MRPS18A: variants seen among roughly 807,000 people sequenced by gnomAD.
The protein encoded by MRPS18A is mitochondrial ribosomal protein S18A.
In MRPS18A, 20 loss-of-function variants were observed where a neutral mutation model predicts 22.7. The ratio of observed to expected loss-of-function variants is 0.88; its 90% CI spans 0.62 to 1.28. The LOEUF is 1.28. MRPS18A is among the 50% of genes most tolerant of loss of function. The probability of loss-of-function intolerance (pLI) is 0.00; values close to 1 mark genes in which losing one functional copy is unlikely to be tolerated. For synonymous variants in MRPS18A, 106 were observed against 99.1 expected (o/e 1.07, Z -0.41); for missense variants, 294 against 262.6 (o/e 1.12, Z -0.83).
In MRPS18A at chr6:43,671,781, G is replaced by C. The variant is rs145782628; in HGVS notation, c.572C>G (p.Pro191Arg). The C allele has an allele frequency of 6.3e-5, 102 of 1,614,240 alleles. No homozygotes were observed. In the East Asian group the frequency reaches 2.0e-3, roughly 32 times the overall value. ...LRDNVCYSRT[P>R]WKLYH Reference sequence around the variant, plus strand: ...TCTCTGTCAGTGATACAGCTTCCAAGGTGTTCTTGAGTAGCAGACATTGTC... The same window carrying C: ...TCTCTGTCAGTGATACAGCTTCCAACGTGTTCTTGAGTAGCAGACATTGTC... The change falls in exon 6 of 6, where the codon CCT (proline) becomes CGT (arginine). Residue 191 changes from proline (P) to arginine (R), a missense_variant. Pro to Arg is a moderately radical substitution (Grantham distance 103). Transcript: ENST00000372133.
intron 1 of MRPS18A, among the ~76,000 whole-genome samples, chr6:43,683,810 A>G (rs963177342): frequency 5.9e-5 from 9 of 152,244 alleles, no homozygotes; most frequent in Non-Finnish European, 1.0e-4. Context: ...TTACAGTAGA[A>G]TAGGAGCCAC....
chr6:43,677,328 G>A (rs1306945833), intron 3 of MRPS18A, among the ~76,000 whole-genome samples: 1 of 152,166 alleles, frequency 6.6e-6, no homozygotes, highest in Non-Finnish European at 1.5e-5. Context: ...CTCAAGCCAA[G>A]GCTTCCAGCC....
chr6:43,687,308 T>C (rs1203327206), intron 1 of MRPS18A, among the ~76,000 whole-genome samples: 1 of 152,196 alleles, frequency 6.6e-6, no homozygotes. Flanking sequence ...CCTTCCTTCG[T>C]GATCCAGAGA....
intron 5 of MRPS18A, among the ~76,000 whole-genome samples, chr6:43,672,967 A>C (rs1773825391): frequency 7.2e-6 from 1 of 139,626 alleles, no homozygotes; most frequent in Admixed American, 7.2e-5. Flanking sequence ...ACTGTGAAGG[A>C]GGCTAGTTAT....
intron 5 of MRPS18A, among the ~76,000 whole-genome samples, chr6:43,674,229 C>G (rs899778226): frequency 6.6e-6 from 1 of 152,118 alleles, no homozygotes; most frequent in African/African-American, 2.4e-5. Flanking sequence ...TCCCACACCC[C>G]CTACCCTCCA....
In MRPS18A at chr6:43,673,791, C is replaced by T. The variant is rs2127941637; in HGVS notation, c.446+1411G>A. Among the ~76,000 whole-genome samples, 1 of 152,350 alleles carries T rather than the reference C, an allele frequency of 6.6e-6. No individual in the cohort carries two copies. The highest frequency in any genetic ancestry group is 2.4e-5 in the African/African-American group (1 of 41,588). On this transcript the variant is annotated intron_variant, in intron 5 of 5. Coordinates refer to ENST00000372133, the MANE Select transcript of MRPS18A (RefSeq NM_018135.4). The surrounding 1 kb of genome is among the most constrained non-coding windows in gnomAD (Gnocchi z 4.2). ...AACGAGACTCCCCTGCAAGGGAATC[C>T]ATTTCCTTCGTAGCCTGAACTCCCC...
intron 2 of MRPS18A, 107 bp from the exon 3 acceptor site, chr6:43,678,732 T>C: frequency 1.3e-6 from 1 of 783,220 alleles, no homozygotes; most frequent in Non-Finnish European, 2.1e-6. Flanking sequence ...AAGTTTACCT[T>C]GGGGGTTCTT....
intron 5 of MRPS18A, chr6:43,672,114 T>A: frequency 1.6e-6 from 1 of 632,776 alleles, no homozygotes; most frequent in South Asian, 2.0e-5. Context: ...GCCGCAAGCC[T>A]GTGTGGCCAG....
At chr6:43,684,110 AAACAAC>A (rs556245420) in intron 1 of MRPS18A, among the ~76,000 whole-genome samples, 1 of 152,058 alleles carries the variant, frequency 6.6e-6, no homozygotes, top group African/African-American at 2.4e-5. Flanking sequence ...CTTGTCTCTT[AAACAAC>A]AACAACAACA....
At chr6:43,678,306 C>G (rs763349553) in intron 3 of MRPS18A, 6 of 456,050 alleles carry the variant, frequency 1.3e-5, no homozygotes, top group Non-Finnish European at 2.4e-5. Flanking sequence ...TTGGGAGGAC[C>G]TGGTGGAGCC....
chr6:43,687,641 A>C (rs1774792174), intron 1 of MRPS18A, 27 bp downstream of exon 1: 5 of 1,229,126 alleles, frequency 4.1e-6, no homozygotes, highest in African/African-American at 1.6e-5. Context: ...TCTTAATTTC[A>C]GGAGGTTGCT....
chr6:43,673,997 AC>A lies in MRPS18A; in HGVS notation c.446+1204del, dbSNP rs1773909183. 1.3e-5 allele frequency among the ~76,000 whole-genome samples: 2 copies of A among 152,128 alleles called. No homozygotes were observed. The highest frequency in any genetic ancestry group is 6.6e-5 in the Admixed American group (1 of 15,262). On this transcript the variant is annotated intron_variant, in intron 5 of 5. Coordinates refer to ENST00000372133, the MANE Select transcript of MRPS18A (RefSeq NM_018135.4). The surrounding 1 kb of genome is among the most constrained non-coding windows in gnomAD (Gnocchi z 4.2). ...TAAAAAGCCAGAGGGGGTGGGCTCA[AC>A]CCCCAAATGGTCCATAGCATAGTTA...
At chr6:43,682,487 C>A (rs1481027295) in intron 1 of MRPS18A, among the ~76,000 whole-genome samples, 1 of 152,214 alleles carries the variant, frequency 6.6e-6, no homozygotes, top group African/African-American at 2.4e-5. Context: ...AGACTCACTG[C>A]TCCAAAACAA....
rs527835936 is a variant in MRPS18A at position 43,682,825 on chromosome 6, G to A, written c.113-1705C>T. The stretch of plus-strand genomic sequence containing the variant: ...GATGGGGAGAAATGAAGGGAGGTAG[G>A]AGGAGGGCACATCCCCAGTCCAGTA... On this transcript the variant is annotated intron_variant, in intron 1 of 5. Transcript: ENST00000372133. Among the ~76,000 whole-genome samples the A allele has an allele frequency of 2.4e-3, 358 of 152,306 alleles. 2 individuals carry two copies. The highest frequency in any genetic ancestry group is 7.6e-3 in the African/African-American group (315 of 41,572).
At position 43,673,056 on chromosome 6, in the gene MRPS18A, C is replaced by T. The variant is rs1419478979; in HGVS notation, c.447-1150G>A. ...AAGCTGGAGTGCAGTGGCGCGATCT[C>T]GGCTCACTGCAACTTCCGCCTCCTG... On this transcript the variant is annotated intron_variant, in intron 5 of 5. Transcript: ENST00000372133. The surrounding 1 kb of genome is among the most constrained non-coding windows in gnomAD (Gnocchi z 4.2). 6.7e-6 allele frequency among the ~76,000 whole-genome samples: 1 copy of T among 149,182 alleles called. No homozygotes were observed. Among genetic ancestry groups the T allele is most frequent in the Non-Finnish European group, 1.5e-5 (1 of 67,592 alleles).
intron 2 of MRPS18A, among the ~76,000 whole-genome samples, chr6:43,678,931 C>T (rs1561951054): frequency 2.1e-5 from 3 of 143,428 alleles, no homozygotes; most frequent in Admixed American, 6.8e-5. Context: ...GCTACCTTTC[C>T]GTCCTCGAAA....
Position 43,671,729 on chromosome 6 carries a change from G to C in MRPS18A, c.*33C>G, listed in dbSNP as rs201839277. Reference sequence around the variant, plus strand: ...GTGGGCCTCCTACTCCCCAGCACAGGTGCAGGAGGAACTCTGGAAGCACTG... The same window carrying C: ...GTGGGCCTCCTACTCCCCAGCACAGCTGCAGGAGGAACTCTGGAAGCACTG... On this transcript the variant is annotated 3_prime_UTR_variant, in exon 6 of 6. Transcript: ENST00000372133. 32 of 1,613,714 alleles carry C rather than the reference G, an allele frequency of 2.0e-5. No homozygotes were observed. Among genetic ancestry groups the C allele is most frequent in the Non-Finnish European group, 2.6e-5 (31 of 1,179,762 alleles).
chr6:43,674,229 C>T (rs899778226), intron 5 of MRPS18A, among the ~76,000 whole-genome samples: 1 of 152,118 alleles, frequency 6.6e-6, no homozygotes. Flanking sequence ...TCCCACACCC[C>T]CTACCCTCCA....
intron 1 of MRPS18A, among the ~76,000 whole-genome samples, chr6:43,687,146 T>C (rs1343233983): frequency 9.2e-5 from 14 of 152,174 alleles, no homozygotes; most frequent in Admixed American, 9.2e-4. Flanking sequence ...CCATCCTGCA[T>C]TTGCCTATGT....
Sources: gnomAD v4.1 joint callset for allele counts (sites outside exome capture counted in the v4.1 genomes callset) on GRCh38, gnomAD v4.1.1 for gene constraint, Gnocchi (gnomAD v3.1) non-coding constraint, MANE v1.5 for transcripts, NCBI Gene and HGNC (gene_info 2026-07-23, HGNC 2026-07-21) for gene names.